Variants in SLC8A1 observed in about 807,000 individuals in gnomAD.
SLC8A1 encodes the protein sodium/calcium exchanger 1.
A neutral mutation model predicts 68.3 loss-of-function variants in SLC8A1; 18 were observed. The observed-to-expected ratio is 0.26, with a 90% CI of 0.18 to 0.39. The LOEUF (loss-of-function observed/expected upper bound fraction) is 0.39. SLC8A1 is among the 10% of genes least tolerant of loss of function. SLC8A1 has a pLI of 1.00. For missense variants in SLC8A1, 985 were observed against 1,156.7 expected (o/e 0.85, Z 2.15); for synonymous variants, 475 against 415.5 (o/e 1.14, Z -1.74).
chr2:40,180,535 C>T (rs2049306759), intron 2 of SLC8A1, among the ~76,000 whole-genome samples: 1 of 152,146 alleles, frequency 6.6e-6, no homozygotes, highest in Admixed American at 6.6e-5. Context: ...CATGGTGAGA[C>T]CAAGGGTAGG....
chr2:40,475,382 C>A (rs887177015), intron 1 of SLC8A1, among the ~76,000 whole-genome samples: 1 of 152,060 alleles, frequency 6.6e-6, no homozygotes, highest in Admixed American at 6.6e-5. Context: ...ATCCACCCGC[C>A]TCTGCCTCCT....
intron 1 of SLC8A1, among the ~76,000 whole-genome samples, chr2:40,496,532 T>C (rs992619308): frequency 1.3e-5 from 2 of 152,044 alleles, no homozygotes; most frequent in East Asian, 1.9e-4. Context: ...TAAAAGGTTA[T>C]TCTGAGGATA....
At chr2:40,208,044 A>C (rs966653633) in intron 2 of SLC8A1, among the ~76,000 whole-genome samples, 4 of 152,124 alleles carry the variant, frequency 2.6e-5, no homozygotes, top group Admixed American at 2.6e-4. Context: ...CAAGCTATCA[A>C]AGATAACTGT....
chr2:40,348,733 G>A (rs1670125862), intron 2 of SLC8A1, among the ~76,000 whole-genome samples: 1 of 152,082 alleles, frequency 6.6e-6, no homozygotes, highest in South Asian at 2.1e-4. Context: ...AGAGTGCCAT[G>A]TCTTGCCCTT....
intron 2 of SLC8A1, among the ~76,000 whole-genome samples, chr2:40,189,467 C>A (rs1416949028): frequency 6.6e-6 from 1 of 152,094 alleles, no homozygotes; most frequent in Non-Finnish European, 1.5e-5. Context: ...ACTACAGAAG[C>A]ATGCCACCGC....
In SLC8A1 at chr2:40,443,496, G is replaced by C. The variant is rs149604379; in HGVS notation, c.-25+8408C>G. 3.0e-3 allele frequency among the ~76,000 whole-genome samples: 464 copies of C among 152,232 alleles called. 3 individuals carry two copies. Among genetic ancestry groups the C allele is most frequent in the African/African-American group, 0.01 (422 of 41,542 alleles). On this transcript the variant is annotated intron_variant, in intron 1 of 7. Coordinates refer to ENST00000406785, the Ensembl canonical transcript of SLC8A1. ...TTTGTAATTACCCTTCTCTGTAACA[G>C]GATTATTCACAGACGTACCTTCTTA...
intron 2 of SLC8A1, among the ~76,000 whole-genome samples, chr2:40,387,936 CAAAAAAAAAAA>C (rs57394425): frequency 3.3e-5 from 3 of 90,942 alleles, no homozygotes; most frequent in Non-Finnish European, 6.2e-5. Context: ...GAGACTGCCT[CAAAAAAAAAAA>C]AAAAAAAAAA....
At chr2:40,287,582 A>ATGTGTGTGGGTGTGTGTGTGTGTGTG (rs2068525173) in intron 2 of SLC8A1, among the ~76,000 whole-genome samples, 1 of 127,480 alleles carries the variant, frequency 7.8e-6, no homozygotes, top group Non-Finnish European at 1.7e-5. Flanking sequence ...CAGAGGAATG[A>ATGTGTGTGGGTGTGTGTGTGTGTGTG]TGTGTGTGTG....
At chr2:40,292,824 C>T (rs749953022) in intron 2 of SLC8A1, among the ~76,000 whole-genome samples, 10 of 152,128 alleles carry the variant, frequency 6.6e-5, no homozygotes, top group Non-Finnish European at 8.8e-5. Flanking sequence ...AGTTAAATTA[C>T]GCTGCCTATT....
At chr2:40,131,308 T>G (rs2039285606) in intron 7 of SLC8A1, among the ~76,000 whole-genome samples, 1 of 152,232 alleles carries the variant, frequency 6.6e-6, no homozygotes, top group Admixed American at 6.5e-5. Context: ...GTGCTAAGAC[T>G]TTGCATAACT....
chr2:40,404,106 G>C lies in SLC8A1; in HGVS notation c.1808+24367C>G, dbSNP rs372664402. ...ACATATGGTCTCACTATGTTGACCA[G>C]GTTGGTTTTGAGATTCTGGGCTCAA... On this transcript the variant is annotated intron_variant, in intron 2 of 7. Coordinates refer to ENST00000406785, the Ensembl canonical transcript of SLC8A1. Among the ~76,000 whole-genome samples the C allele has an allele frequency of 3.3e-5, 5 of 152,142 alleles. No individual in the cohort carries two copies. In the East Asian group the frequency reaches 5.8e-4, roughly 18 times the overall value.
intron 2 of SLC8A1, among the ~76,000 whole-genome samples, chr2:40,418,752 G>C (rs999599366): frequency 6.6e-6 from 1 of 152,174 alleles, no homozygotes; most frequent in African/African-American, 2.4e-5. Context: ...AATCAGATTT[G>C]AGTTGTTCCT....
At position 40,361,703 on chromosome 2, in the gene SLC8A1, C is replaced by A. The variant is rs542418160; in HGVS notation, c.1808+66770G>T. Among the ~76,000 whole-genome samples, 16 of 151,928 alleles carry A rather than the reference C, an allele frequency of 1.1e-4. No homozygotes were observed. The South Asian group carries it at 2.1e-3, about 20-fold the overall frequency. ...GTCATCTGCAGTCACTGGGAACACA[C>A]GGAGGTAGACCAAATGCCCTATATG... On this transcript the variant is annotated intron_variant, in intron 2 of 7. Transcript: ENST00000406785.
intron 2 of SLC8A1, among the ~76,000 whole-genome samples, chr2:40,230,073 A>G (rs1467202568): frequency 6.6e-6 from 1 of 152,190 alleles, no homozygotes; most frequent in Non-Finnish European, 1.5e-5. Flanking sequence ...AGCTGGCATC[A>G]TCAGAGCTAG....
intron 7 of SLC8A1, among the ~76,000 whole-genome samples, chr2:40,117,222 A>C (rs1242648638): frequency 2.0e-5 from 3 of 151,910 alleles, no homozygotes; most frequent in Non-Finnish European, 4.4e-5. Flanking sequence ...GCAAGATACT[A>C]AATTTCTTGT....
intron 1 of SLC8A1, among the ~76,000 whole-genome samples, chr2:40,507,927 A>C (rs1026936622): frequency 6.6e-6 from 1 of 152,140 alleles, no homozygotes; most frequent in Admixed American, 6.6e-5. Flanking sequence ...AACTGCAACA[A>C]CAAAAATAGT....
chr2:40,467,622 T>C (rs1286192202), intron 1 of SLC8A1, among the ~76,000 whole-genome samples: 1 of 152,188 alleles, frequency 6.6e-6, no homozygotes. Flanking sequence ...ATATAGTATG[T>C]CTTTCTATTT....
At chr2:40,254,133 T>C (rs1574783966) in intron 2 of SLC8A1, among the ~76,000 whole-genome samples, 2 of 152,102 alleles carry the variant, frequency 1.3e-5, no homozygotes, top group Non-Finnish European at 2.9e-5. Flanking sequence ...GCATCACACA[T>C]ACTCTACTCT....
At chr2:40,496,767 T>TA (rs1223818797) in intron 1 of SLC8A1, among the ~76,000 whole-genome samples, 1 of 151,880 alleles carries the variant, frequency 6.6e-6, no homozygotes, top group Non-Finnish European at 1.5e-5. Context: ...TGAGTAATGT[T>TA]AAAAAATCTG....
Sources: allele counts gnomAD v4.1 joint callset (sites outside exome capture counted in the v4.1 genomes callset), GRCh38; gene constraint gnomAD v4.1.1; transcripts MANE v1.5; gene names NCBI Gene and HGNC (gene_info 2026-07-23, HGNC 2026-07-21).